Variants in SEC23IP observed in about 807,000 individuals in gnomAD.
The protein encoded by SEC23IP is SEC23 interacting protein.
A neutral mutation model predicts 113.4 loss-of-function variants in SEC23IP; 70 were observed. That is an observed-to-expected ratio of 0.62 (90% CI 0.51 to 0.75). The LOEUF is 0.75. Ranked by LOEUF, SEC23IP falls within the 30% of genes least tolerant of loss-of-function variation. The probability of loss-of-function intolerance (pLI) is 0.00; values close to 1 mark genes in which losing one functional copy is unlikely to be tolerated. For missense variants in SEC23IP, 1,160 were observed against 1,204.9 expected (o/e 0.96, Z 0.55); for synonymous variants, 398 against 421.0 (o/e 0.95, Z 0.67).
rs570898195 is a variant in SEC23IP, at chr10:119,932,919, A to G, written c.2759-86A>G. 6.8e-5 allele frequency: 81 copies of G among 1,196,650 alleles called. 1 individual carries two copies. In the South Asian group the frequency reaches 1.1e-3, roughly 16 times the overall value. The allele number at this position is 1,196,650 out of a possible 1,614,324, so 74.1% of individuals were successfully genotyped here. The stretch of plus-strand genomic sequence containing the variant: ...CAGGTTGCTACATGCGTCAAGCAGT[A>G]TTCTCATTGAGCCCAGAAAGTCAGC... On this transcript the variant is annotated intron_variant, in intron 16 of 18. Transcript: ENST00000369075.
At chr10:119,904,637 AAAAT>A (rs1447109254) in intron 4 of SEC23IP, 1 of 168,196 alleles carries the variant, frequency 5.9e-6, no homozygotes, top group Non-Finnish European at 1.3e-5. Flanking sequence ...CTGATTTGTG[AAAAT>A]AAATAAATAG....
In SEC23IP at chr10:119,929,720, C is replaced by T. The variant is rs139977415; in HGVS notation, c.2427C>T (p.Tyr809=). ...GAGTTGATAGGATAGATGAGAATTA[C>T]AGCCTTCCTACCTGTAAAGGGTTCT... is the stretch of plus-strand genomic sequence containing the variant. The part of the protein sequence containing the change: ...IRGVDRIDEN[Y]SLPTCKGFFN... Residue 809 remains tyrosine (Y), a synonymous_variant, in exon 14 of 19, where the codon TAC becomes TAT. Coordinates refer to ENST00000369075, the MANE Select transcript of SEC23IP (RefSeq NM_007190.4). 1.9e-4 allele frequency: 297 copies of T among 1,602,174 alleles called. No individual in the cohort carries two copies. The highest frequency in any genetic ancestry group is 1.8e-4 in the Admixed American group (11 of 59,992).
rs149837371 is a variant in SEC23IP at position 119,929,740 on chromosome 10, G to A, written c.2447G>A (p.Gly816Glu). The A allele has an allele frequency of 6.9e-6, 11 of 1,594,420 alleles. No individual in the cohort carries two copies. Among genetic ancestry groups the A allele is most frequent in the Non-Finnish European group, 9.4e-6 (11 of 1,164,738 alleles). ...AATTACAGCCTTCCTACCTGTAAAG[G>A]GTTCTTCAATATTTATCATCCGGTG... is the stretch of plus-strand genomic sequence containing the variant. Reference protein sequence around the residue: ...DENYSLPTCKGFFNIYHPLDP... With the variant: ...DENYSLPTCKEFFNIYHPLDP... The change falls in exon 14 of 19, where the codon GGG becomes GAG. Residue 816 changes from glycine to glutamate, a missense_variant. Gly to Glu is a moderately conservative substitution (Grantham distance 98). Transcript: ENST00000369075.
chr10:119,907,962 AAAAT>A (rs1192349074), intron 4 of SEC23IP, among the ~76,000 whole-genome samples: 11 of 152,216 alleles, frequency 7.2e-5, no homozygotes, highest in Admixed American at 1.3e-4. Context: ...AAGAAAATAA[AAAAT>A]AAAAATTACA....
At chr10:119,927,507 C>T (rs1007675102) in intron 13 of SEC23IP, among the ~76,000 whole-genome samples, 1 of 152,056 alleles carries the variant, frequency 6.6e-6, no homozygotes, top group African/African-American at 2.4e-5. Context: ...TAGATGCATC[C>T]CTCCAGGCTT....
intron 4 of SEC23IP, among the ~76,000 whole-genome samples, chr10:119,907,507 C>T (rs769306956): frequency 6.6e-5 from 10 of 152,164 alleles, no homozygotes; most frequent in Non-Finnish European, 1.0e-4. Flanking sequence ...CAGAGGCTCC[C>T]TCTTACTTTG....
Position 119,894,892 on chromosome 10 carries a change from C to CTGTGTG in SEC23IP, c.163+1986_163+1991dup, listed in dbSNP as rs3065498. ...AATGCTTTTGTTTCTTGGAGACAGTCTGTGTGTGTGTGTGTGTGTGTGTGT... is the reference window on the plus strand; with the variant it reads ...AATGCTTTTGTTTCTTGGAGACAGTCTGTGTGTGTGTGTGTGTGTGTGTGTGTGTGT... On this transcript the variant is annotated intron_variant, in intron 1 of 18. Coordinates refer to ENST00000369075, the MANE Select transcript of SEC23IP (RefSeq NM_007190.4). Among the ~76,000 whole-genome samples the CTGTGTG allele has an allele frequency of 3.3e-3, 469 of 143,586 alleles. 1 individual carries two copies. The highest frequency in any genetic ancestry group is 4.9e-3 in the African/African-American group (195 of 39,434). The allele number at this position is 143,586 out of a possible 152,430, so 94.2% of individuals were successfully genotyped here.
In SEC23IP at chr10:119,904,208, T is replaced by G; in HGVS notation, c.1032T>G (p.Thr344=). 6.2e-7 allele frequency: 1 copy of G among 1,614,212 alleles called. No homozygotes were observed. ...EEEPAEVRRC[T]WFYKGDTDSR... is the part of the protein sequence containing the mutation. ...AGCCAGCCGAAGTGAGACGCTGTAC[T>G]TGGTTTTACAAGGGGGACACAGATA... is the stretch of plus-strand genomic sequence containing the variant. Residue 344 remains threonine (T), a synonymous_variant, in exon 4 of 19, where the codon ACT becomes ACG. Coordinates refer to ENST00000369075, the MANE Select transcript of SEC23IP (RefSeq NM_007190.4).
Position 119,933,142 on chromosome 10 carries a change from G to A in SEC23IP, c.2896G>A (p.Ala966Thr), listed in dbSNP as rs1463817666. The stretch of plus-strand genomic sequence containing the variant: ...AGAGAGTTTTAATGAATACCTTTTC[G>A]CTCTTCAGAGTCACTTATGCTATTG... ...PIESFNEYLFALQSHLCYWES... is the reference protein window; with the variant it reads ...PIESFNEYLFTLQSHLCYWES... Residue 966 changes from alanine to threonine, a missense_variant, in exon 17 of 19, where the codon GCT (alanine) becomes ACT (threonine). Coordinates refer to ENST00000369075, the MANE Select transcript of SEC23IP (RefSeq NM_007190.4). The A allele has an allele frequency of 3.1e-6, 5 of 1,613,736 alleles. No homozygotes were observed. The highest frequency in any genetic ancestry group is 1.3e-5 in the African/African-American group (1 of 74,902).
At chr10:119,893,586 C>G (rs911503765) in intron 1 of SEC23IP, among the ~76,000 whole-genome samples, 4 of 136,772 alleles carry the variant, frequency 2.9e-5, no homozygotes, top group African/African-American at 1.1e-4. Context: ...GTGGCGCGAT[C>G]TCGGCTCACT....
Position 119,915,882 on chromosome 10 carries a change from G to T in SEC23IP, c.1537G>T (p.Val513Leu), listed in dbSNP as rs1482542735. 1.9e-6 allele frequency: 3 copies of T among 1,540,920 alleles called. No homozygotes were observed. Among genetic ancestry groups the T allele is most frequent in the Non-Finnish European group, 2.6e-6 (3 of 1,142,142 alleles). Residue 513 changes from valine (V) to leucine (L), a missense_variant, in exon 8 of 19, where the codon GTG (valine) becomes TTG (leucine). Coordinates refer to ENST00000369075, the MANE Select transcript of SEC23IP (RefSeq NM_007190.4). ...HSSLGGDATG[V>L]DRNIKKITLP... The stretch of plus-strand genomic sequence containing the variant: ...TTCTTTGGGTGGGGACGCCACAGGT[G>T]TGGACAGGTTTGTGGATTTTGATAA...
chr10:119,918,574 A>G (rs1019278207), intron 10 of SEC23IP, 63 bp downstream of exon 10: 5 of 970,042 alleles, frequency 5.2e-6, no homozygotes, highest in South Asian at 1.3e-5. Flanking sequence ...ACAATTTTCA[A>G]AAGTCTGAAC....
intron 18 of SEC23IP, among the ~76,000 whole-genome samples, chr10:119,934,569 A>G (rs545163021): frequency 6.6e-6 from 1 of 152,388 alleles, no homozygotes; most frequent in East Asian, 1.9e-4. Flanking sequence ...TAGATTATGC[A>G]TTACTTTTAA....
chr10:119,925,297 G>A (rs998630573), intron 12 of SEC23IP, among the ~76,000 whole-genome samples: 1 of 151,984 alleles, frequency 6.6e-6, no homozygotes, highest in Admixed American at 6.6e-5. Flanking sequence ...GGAATAGTTC[G>A]CCTATTTTAA....
rs115794991 is a variant in SEC23IP, at chr10:119,899,920, C to T, written c.696+961C>T. 8.4e-3 allele frequency among the ~76,000 whole-genome samples: 1,282 copies of T among 152,170 alleles called. 14 individuals carry two copies. The highest frequency in any genetic ancestry group is 0.029 in the African/African-American group (1,200 of 41,516). ...TTTACTTATCATTAACATTTCATCC[C>T]GTTTGTTTTTTAATTTGTGCATGTG... On this transcript the variant is annotated intron_variant, in intron 2 of 18. Coordinates refer to ENST00000369075, the MANE Select transcript of SEC23IP (RefSeq NM_007190.4).
At chr10:119,935,991 C>T (rs1212589307) in intron 18 of SEC23IP, among the ~76,000 whole-genome samples, 1 of 152,172 alleles carries the variant, frequency 6.6e-6, no homozygotes, top group Non-Finnish European at 1.5e-5. Flanking sequence ...TAAGCAGTCC[C>T]TACTGATGGG....
intron 1 of SEC23IP, among the ~76,000 whole-genome samples, chr10:119,894,811 G>A (rs1202613743): frequency 6.6e-6 from 1 of 152,072 alleles, no homozygotes; most frequent in Non-Finnish European, 1.5e-5. Context: ...GTGTGTCACT[G>A]TGAATTCATG....
At chr10:119,911,820 T>A (rs943342287) in intron 5 of SEC23IP, among the ~76,000 whole-genome samples, 1 of 152,138 alleles carries the variant, frequency 6.6e-6, no homozygotes, top group Non-Finnish European at 1.5e-5. Flanking sequence ...CTGATTTAAT[T>A]GTATAATTTT....
At position 119,920,873 on chromosome 10, in the gene SEC23IP, C is replaced by T; in HGVS notation, c.2026-16C>T. The T allele has an allele frequency of 1.3e-6, 2 of 1,535,926 alleles. No individual in the cohort carries two copies. The highest frequency in any genetic ancestry group is 1.1e-5 in the South Asian group (1 of 87,498). Reference sequence around the variant, plus strand: ...TCACTAGATTGATTAATGTGCTTGTCTGTTTCCTTTTAAAGCTTATGTGTA... The same window carrying T: ...TCACTAGATTGATTAATGTGCTTGTTTGTTTCCTTTTAAAGCTTATGTGTA... On this transcript the variant is annotated splice_polypyrimidine_tract_variant and intron_variant, in intron 11 of 18. Transcript: ENST00000369075.
Sources: allele counts gnomAD v4.1 joint callset (sites outside exome capture counted in the v4.1 genomes callset), GRCh38; gene constraint gnomAD v4.1.1; transcripts MANE v1.5; gene names NCBI Gene and HGNC (gene_info 2026-07-23, HGNC 2026-07-21).